AKAP19: variants seen among roughly 807,000 people sequenced by gnomAD.
AKAP19 encodes small A-kinase anchoring protein.
chr2:190,060,241 G>C, the AKAP19 span: 2 of 1,612,902 alleles, frequency 1.2e-6, no homozygotes, highest in Non-Finnish European at 1.7e-6. Context: ...TTCAGAGATC[G>C]GATTCCAGTA....
chr2:189,984,455 A>G, the AKAP19 span, among the ~76,000 whole-genome samples: 3 of 152,182 alleles, frequency 2.0e-5, no homozygotes, highest in African/African-American at 7.2e-5. Context: ...TATCTCTCTT[A>G]TTCCCTGAAC....
the AKAP19 span, among the ~76,000 whole-genome samples, chr2:189,908,242 G>A: frequency 6.8e-6 from 1 of 146,792 alleles, no homozygotes; most frequent in South Asian, 2.1e-4. Flanking sequence ...TGCTTAGGCT[G>A]GAGTGCAGTG....
At chr2:190,194,470 C>CTG in the AKAP19 span, among the ~76,000 whole-genome samples, 1 of 135,978 alleles carries the variant, frequency 7.4e-6, no homozygotes, top group African/African-American at 3.1e-5. Context: ...CCCACGTATC[C>CTG]TGTGTATACA....
the AKAP19 span, among the ~76,000 whole-genome samples, chr2:190,138,968 TTA>T: frequency 6.6e-6 from 1 of 152,188 alleles, no homozygotes; most frequent in African/African-American, 2.4e-5. Flanking sequence ...GGCAAAGTTG[TTA>T]TGAGGATTAA....
the AKAP19 span, chr2:190,180,726 G>GA: frequency 6.1e-6 from 6 of 985,344 alleles, no homozygotes; most frequent in Non-Finnish European, 6.0e-6. This position sits in a 1 kb window ranked among gnomAD's most constrained non-coding sequence, Gnocchi z 6.8. Flanking sequence ...GCGCGCCCTG[G>GA]AGCCGAGCGC....
the AKAP19 span, among the ~76,000 whole-genome samples, chr2:190,149,004 C>G: frequency 6.9e-6 from 1 of 145,190 alleles, no homozygotes; most frequent in Admixed American, 6.9e-5. Context: ...ACTCTTCTTG[C>G]CCAGGCTGGA....
At chr2:190,191,101 G>A in the AKAP19 span, among the ~76,000 whole-genome samples, 1 of 152,070 alleles carries the variant, frequency 6.6e-6, no homozygotes, top group Non-Finnish European at 1.5e-5. Context: ...GTCAACTTTT[G>A]GCAATTATAA....
At chr2:190,148,742 A>G in the AKAP19 span, among the ~76,000 whole-genome samples, 1 of 152,004 alleles carries the variant, frequency 6.6e-6, no homozygotes, top group Non-Finnish European at 1.5e-5. Flanking sequence ...GGAGGATTGT[A>G]TTTTTCCAGG....
the AKAP19 span, among the ~76,000 whole-genome samples, chr2:190,135,351 A>C: frequency 6.6e-6 from 1 of 152,156 alleles, no homozygotes; most frequent in Admixed American, 6.5e-5. Flanking sequence ...GAAATGTAGA[A>C]TCTCAGCCTT....
the AKAP19 span, among the ~76,000 whole-genome samples, chr2:190,044,883 G>A: frequency 2.0e-5 from 3 of 152,222 alleles, no homozygotes; most frequent in Non-Finnish European, 4.4e-5. Flanking sequence ...GCACCTGTAG[G>A]AGGTCACTGG....
At chr2:189,989,557 G>C in the AKAP19 span, among the ~76,000 whole-genome samples, 1 of 151,320 alleles carries the variant, frequency 6.6e-6, no homozygotes, top group South Asian at 2.1e-4. Flanking sequence ...TGTTCTGTCA[G>C]AACATACAAA....
chr2:189,945,987 A>G, the AKAP19 span, among the ~76,000 whole-genome samples: 7,990 of 152,246 alleles, frequency 0.052, 730 homozygotes, highest in African/African-American at 0.18. Context: ...ATGGAGATAA[A>G]TGAAGAAAGT....
the AKAP19 span, among the ~76,000 whole-genome samples, chr2:189,995,188 G>A: frequency 6.6e-6 from 1 of 152,166 alleles, no homozygotes; most frequent in African/African-American, 2.4e-5. Flanking sequence ...GTTGACTTCT[G>A]TCTTGATGAC....
At chr2:190,105,244 G>A in the AKAP19 span, among the ~76,000 whole-genome samples, 1 of 152,042 alleles carries the variant, frequency 6.6e-6, no homozygotes. Context: ...GCCCATCGAT[G>A]GTAGATTGGA....
chr2:189,912,356 C>A, the AKAP19 span, among the ~76,000 whole-genome samples: 18 of 152,104 alleles, frequency 1.2e-4, no homozygotes, highest in Non-Finnish European at 2.1e-4. Flanking sequence ...GCCTGGCCAA[C>A]ATGACGAAAC....
the AKAP19 span, among the ~76,000 whole-genome samples, chr2:190,046,571 T>G: frequency 1.3e-5 from 2 of 152,320 alleles, no homozygotes; most frequent in South Asian, 4.1e-4. Flanking sequence ...TTAACTGAAA[T>G]TTGACATCTT....
chr2:189,985,997 A>G, the AKAP19 span, among the ~76,000 whole-genome samples: 2 of 152,236 alleles, frequency 1.3e-5, no homozygotes, highest in African/African-American at 2.4e-5. Flanking sequence ...ACTTTTATGA[A>G]CCCATAAAAA....
chr2:189,940,751 C>T, the AKAP19 span, among the ~76,000 whole-genome samples: 5 of 151,798 alleles, frequency 3.3e-5, no homozygotes, highest in East Asian at 1.9e-4. Context: ...ATTAGCCAGG[C>T]GTGGTGGCGG....
chr2:189,929,796 C>T, the AKAP19 span, among the ~76,000 whole-genome samples: 1 of 152,050 alleles, frequency 6.6e-6, no homozygotes, highest in Non-Finnish European at 1.5e-5. Flanking sequence ...CTTTAAACTA[C>T]TTTTTTTGTG....
Sources: gnomAD v4.1 joint callset for allele counts (sites outside exome capture counted in the v4.1 genomes callset) on GRCh38, gnomAD v4.1.1 for gene constraint, Gnocchi (gnomAD v3.1) non-coding constraint, MANE v1.5 for transcripts, NCBI Gene and HGNC (gene_info 2026-07-23, HGNC 2026-07-21) for gene names.